DLG2: variants seen among roughly 807,000 people sequenced by gnomAD.
DLG2 encodes disks large homolog 2.
A neutral mutation model predicts 132.5 loss-of-function variants in DLG2; 45 were observed. The ratio of observed to expected loss-of-function variants is 0.34; its 90% CI spans 0.27 to 0.44. DLG2 has a LOEUF of 0.44. Ranked by LOEUF, DLG2 falls within the 20% of genes least tolerant of loss-of-function variation. The pLI, the probability that DLG2 is intolerant of heterozygous loss-of-function variation, is 1.00. For synonymous variants in DLG2, 424 were observed against 419.6 expected, an observed-to-expected ratio of 1.01 and a Z score of -0.13; for missense variants, 1,045 against 1,196.9, an observed-to-expected ratio of 0.87 and a Z score of 1.87.
chr11:83,835,730 C>T (rs1430468588), intron 16 of DLG2, among the ~76,000 whole-genome samples: 1 of 152,212 alleles, frequency 6.6e-6, no homozygotes, highest in Non-Finnish European at 1.5e-5. Context: ...GTGGACTTGA[C>T]TGTGTTGCCT....
At chr11:85,480,808 G>A (rs942309192) in intron 3 of DLG2, among the ~76,000 whole-genome samples, 1 of 152,082 alleles carries the variant, frequency 6.6e-6, no homozygotes, top group Admixed American at 6.5e-5. Context: ...GTCTTTTTCA[G>A]CTGCACACAG....
At chr11:85,558,081 A>T (rs983079293) in intron 3 of DLG2, among the ~76,000 whole-genome samples, 10 of 152,070 alleles carry the variant, frequency 6.6e-5, no homozygotes, top group Admixed American at 4.6e-4. Flanking sequence ...TAATATCCTG[A>T]ATCTATAAGG....
chr11:85,085,217 T>C (rs992782267), intron 6 of DLG2, among the ~76,000 whole-genome samples: 1 of 152,186 alleles, frequency 6.6e-6, no homozygotes, highest in Non-Finnish European at 1.5e-5. Flanking sequence ...GTACCTTACT[T>C]GGACTGCCAT....
chr11:85,395,320 G>A (rs2087214824), intron 3 of DLG2, among the ~76,000 whole-genome samples: 2 of 152,178 alleles, frequency 1.3e-5, no homozygotes, highest in African/African-American at 4.8e-5. Flanking sequence ...GCTCTGGTCT[G>A]CAGCTCCCAG....
chr11:85,163,889 G>C (rs993461689), intron 4 of DLG2, among the ~76,000 whole-genome samples: 2 of 152,076 alleles, frequency 1.3e-5, no homozygotes, highest in Admixed American at 1.3e-4. Flanking sequence ...AGCTTAACTG[G>C]AGAGACATTA....
At chr11:84,754,603 G>A (rs573710479) in intron 6 of DLG2, among the ~76,000 whole-genome samples, 32 of 152,150 alleles carry the variant, frequency 2.1e-4, no homozygotes, top group Non-Finnish European at 4.4e-4. Context: ...CACGGAGATA[G>A]CAAAAAGATC....
chr11:83,540,626 A>C (rs147585739), intron 20 of DLG2, among the ~76,000 whole-genome samples: 1 of 152,236 alleles, frequency 6.6e-6, no homozygotes, highest in African/African-American at 2.4e-5. Flanking sequence ...CAAATACCCC[A>C]CAGAGTTATT....
intron 18 of DLG2, among the ~76,000 whole-genome samples, chr11:83,744,047 A>T (rs1373374646): frequency 6.6e-6 from 1 of 152,180 alleles, no homozygotes; most frequent in Admixed American, 6.5e-5. Flanking sequence ...TAGATGCCCT[A>T]ACTGGATGTG....
intron 3 of DLG2, among the ~76,000 whole-genome samples, chr11:85,482,590 G>C (rs962260057): frequency 1.3e-5 from 2 of 152,080 alleles, no homozygotes; most frequent in Non-Finnish European, 2.9e-5. Flanking sequence ...TCCTAGACCT[G>C]TGCCTCTAAG....
chr11:83,914,177 T>G (rs1212526808), intron 15 of DLG2, among the ~76,000 whole-genome samples: 4 of 152,120 alleles, frequency 2.6e-5, no homozygotes, highest in African/African-American at 9.7e-5. Flanking sequence ...AGATCTCTCA[T>G]GATGGCTTGG....
intron 11 of DLG2, among the ~76,000 whole-genome samples, chr11:84,013,572 A>T (rs191131385): frequency 6.6e-6 from 1 of 152,204 alleles, no homozygotes; most frequent in East Asian, 1.9e-4. Flanking sequence ...GTAGTATTAC[A>T]TAACAGAAGT....
chr11:84,429,771 T>A (rs2098978430), intron 7 of DLG2, among the ~76,000 whole-genome samples: 1 of 152,236 alleles, frequency 6.6e-6, no homozygotes, highest in South Asian at 2.1e-4. Context: ...CTTGCTGTGT[T>A]GGAGAATGTC....
intron 5 of DLG2, among the ~76,000 whole-genome samples, chr11:85,137,859 G>C (rs2076226798): frequency 6.6e-6 from 1 of 152,050 alleles, no homozygotes; most frequent in African/African-American, 2.4e-5. Flanking sequence ...CAAAATGCCT[G>C]CCCTCATTTC....
chr11:84,064,965 G>C (rs1256755478), intron 10 of DLG2, among the ~76,000 whole-genome samples: 1 of 152,114 alleles, frequency 6.6e-6, no homozygotes, highest in East Asian at 1.9e-4. Context: ...ACAAGCAATG[G>C]GGAAAGGACT....
chr11:85,485,401 C>T (rs976215763), intron 3 of DLG2, among the ~76,000 whole-genome samples: 1 of 151,958 alleles, frequency 6.6e-6, no homozygotes, highest in Admixed American at 6.6e-5. Context: ...CAAATTGTGA[C>T]ATCAAAAATT....
At chr11:85,176,905 G>T (rs1183740636) in intron 4 of DLG2, among the ~76,000 whole-genome samples, 1 of 152,082 alleles carries the variant, frequency 6.6e-6, no homozygotes, top group Non-Finnish European at 1.5e-5. Context: ...AAACCACAAT[G>T]ATATACCATT....
intron 8 of DLG2, among the ~76,000 whole-genome samples, chr11:84,238,520 A>AAAAAAG (rs1362751756): frequency 6.6e-6 from 1 of 151,910 alleles, no homozygotes; most frequent in Non-Finnish European, 1.5e-5. Flanking sequence ...ACCCTGTCTC[A>AAAAAAG]AAAAAGAAAA....
At position 83,783,244 on chromosome 11, in the gene DLG2, G is replaced by C. The variant is rs181711383; in HGVS notation, c.1825+3446C>G. On this transcript the variant is annotated intron_variant, in intron 18 of 27. Coordinates refer to ENST00000376104, the MANE Select transcript of DLG2 (RefSeq NM_001142699.3). Reference sequence around the variant, plus strand: ...CAGACACTGAATAAGATTGAGGATGGATATAGCAATGTGGACAACTGGAGA... The same window carrying C: ...CAGACACTGAATAAGATTGAGGATGCATATAGCAATGTGGACAACTGGAGA... Among the ~76,000 whole-genome samples the C allele has an allele frequency of 3.5e-3, 527 of 152,252 alleles. 3 individuals are homozygous for C. Among genetic ancestry groups the C allele is most frequent in the Non-Finnish European group, 5.1e-3 (349 of 68,014 alleles).
At chr11:84,013,707 A>C (rs1253634565) in intron 11 of DLG2, among the ~76,000 whole-genome samples, 2 of 151,794 alleles carry the variant, frequency 1.3e-5, no homozygotes, top group Non-Finnish European at 2.9e-5. Context: ...TCTCTACTAA[A>C]AATACAAAAA....
Sources: gnomAD v4.1 joint callset for allele counts (sites outside exome capture counted in the v4.1 genomes callset) on GRCh38, gnomAD v4.1.1 for gene constraint, MANE v1.5 for transcripts, NCBI Gene and HGNC (gene_info 2026-07-23, HGNC 2026-07-21) for gene names.